Variants in CCDC88A observed in about 807,000 individuals in gnomAD.
The protein encoded by CCDC88A is coiled-coil and HOOK domain protein 88A.
In CCDC88A, 54 loss-of-function variants were observed where a neutral mutation model predicts 234.3. That is an observed-to-expected ratio of 0.23 (90% CI 0.19 to 0.29). The LOEUF (loss-of-function observed/expected upper bound fraction) is 0.29. CCDC88A is among the 10% of genes least tolerant of loss of function. The probability of loss-of-function intolerance (pLI) is 1.00; values close to 1 mark genes in which losing one functional copy is unlikely to be tolerated. For synonymous variants in CCDC88A, 753 were observed against 737.8 expected (o/e 1.02, Z -0.33); for missense variants, 1,832 against 2,123.4 (o/e 0.86, Z 2.70).
At chr2:55,303,994 GGATGTT>G (rs1681219138) in intron 25 of CCDC88A, among the ~76,000 whole-genome samples, 1 of 152,140 alleles carries the variant, frequency 6.6e-6, no homozygotes, top group Non-Finnish European at 1.5e-5. Flanking sequence ...GGTGCCCAGG[GGATGTT>G]TAAAACAGTC....
intron 7 of CCDC88A, among the ~76,000 whole-genome samples, chr2:55,360,793 A>C (rs1671191245): frequency 6.6e-6 from 1 of 152,198 alleles, no homozygotes; most frequent in Non-Finnish European, 1.5e-5. Flanking sequence ...CAGTCATACA[A>C]AACCAAAGCA....
At chr2:55,318,766 T>G (rs1683263317) in intron 19 of CCDC88A, 77 bp downstream of exon 19, 1 of 1,164,832 alleles carries the variant, frequency 8.6e-7, no homozygotes, top group Non-Finnish European at 1.2e-6. Context: ...AAACAATGTT[T>G]CCATGTTTAC....
chr2:55,361,419 T>A (rs1445946737), intron 7 of CCDC88A, among the ~76,000 whole-genome samples: 4 of 152,188 alleles, frequency 2.6e-5, no homozygotes, highest in Non-Finnish European at 5.9e-5. Context: ...TAAAAATGTT[T>A]ATTTTGTATA....
At chr2:55,341,443 C>G (rs185270575) in intron 12 of CCDC88A, among the ~76,000 whole-genome samples, 1 of 128,754 alleles carries the variant, frequency 7.8e-6, no homozygotes, top group African/African-American at 3.0e-5. Context: ...CGGCACTCCC[C>G]GCCCCCTTTT....
Position 55,335,297 on chromosome 2 carries a change from A to T in CCDC88A, c.1657-133T>A. ...ACATGTCTTACTTTTAATTCTGACA[A>T]GTATTTACTGAAGACCACTGTGTAC... On this transcript the variant is annotated intron_variant, in intron 14 of 32. Transcript: ENST00000436346. The surrounding 1 kb of genome is among the most constrained non-coding windows in gnomAD (Gnocchi z 4.5). 1 of 525,328 alleles carries T rather than the reference A, an allele frequency of 1.9e-6. No individual in the cohort carries two copies. The highest frequency in any genetic ancestry group is 3.6e-5 in the Admixed American group (1 of 27,624). The allele number at this position is 525,328 out of a possible 1,614,324, so 32.5% of individuals were successfully genotyped here. A position where few individuals can be genotyped will look rare whatever the true frequency, so the allele number is the denominator to read the frequency against.
chr2:55,392,727 T>C (rs1474559595), intron 2 of CCDC88A, among the ~76,000 whole-genome samples: 2 of 152,228 alleles, frequency 1.3e-5, no homozygotes, highest in Admixed American at 6.5e-5. Context: ...GAAGGTCCTC[T>C]TGAATTTAAT....
At chr2:55,345,009 C>A (rs1454249632) in intron 10 of CCDC88A, among the ~76,000 whole-genome samples, 4 of 152,170 alleles carry the variant, frequency 2.6e-5, no homozygotes, top group South Asian at 2.1e-4. Context: ...TATAAATACA[C>A]CTTGAGGAAA....
chr2:55,336,984 C>A, intron 13 of CCDC88A, 166 bp from the exon 14 acceptor site: 1 of 479,876 alleles, frequency 2.1e-6, no homozygotes. Context: ...ATGCTAATTT[C>A]TGTAGCTGTA....
intron 3 of CCDC88A, among the ~76,000 whole-genome samples, chr2:55,381,814 C>T (rs1002790672): frequency 5.3e-5 from 8 of 152,140 alleles, no homozygotes; most frequent in African/African-American, 1.9e-4. Context: ...TCCTGAATCA[C>T]CACACAGAGT....
intron 25 of CCDC88A, among the ~76,000 whole-genome samples, chr2:55,306,482 T>C (rs183473177): frequency 7.2e-5 from 11 of 152,282 alleles, no homozygotes; most frequent in Admixed American, 3.3e-4. Context: ...TGTACATATA[T>C]ATACCTGTGT....
Position 55,339,664 on chromosome 2 carries a change from A to T in CCDC88A, c.1334-16T>A, listed in dbSNP as rs772312337. 7.6e-6 allele frequency: 12 copies of T among 1,586,316 alleles called. No homozygotes were observed. The highest frequency in any genetic ancestry group is 1.0e-5 in the Non-Finnish European group (12 of 1,170,556). ...TTCTGGGGTGCTATAATATTGAAAA[A>T]TACACCATTGTATTTACTCTTTACT... On this transcript the variant is annotated splice_polypyrimidine_tract_variant and intron_variant, in intron 12 of 32. Transcript: ENST00000436346.
At chr2:55,378,599 ATTAAG>A (rs56676430) in intron 3 of CCDC88A, among the ~76,000 whole-genome samples, 83,953 of 151,564 alleles carry the variant, frequency 0.55, 24,578 homozygotes, top group Admixed American at 0.65. Flanking sequence ...ATTTTCAAGT[ATTAAG>A]TTATGTCTAA....
At chr2:55,373,105 C>T (rs979072141) in intron 4 of CCDC88A, among the ~76,000 whole-genome samples, 8 of 152,292 alleles carry the variant, frequency 5.3e-5, no homozygotes, top group Admixed American at 4.6e-4. Flanking sequence ...CCCTGTCCAA[C>T]AGCATTCAAC....
intron 27 of CCDC88A, 180 bp downstream of exon 27, chr2:55,301,692 G>A (rs1443133701): frequency 5.0e-6 from 3 of 605,950 alleles, no homozygotes; most frequent in Non-Finnish European, 8.6e-6. Context: ...AAAGATTTTA[G>A]TTATTTGTAT....
intron 2 of CCDC88A, among the ~76,000 whole-genome samples, chr2:55,400,503 T>C (rs6709204): frequency 0.83 from 125,716 of 152,182 alleles, 52,973 homozygotes; most frequent in Admixed American, 0.92. Flanking sequence ...TTATAAATGA[T>C]CTACTTATGA....
intron 25 of CCDC88A, among the ~76,000 whole-genome samples, chr2:55,303,484 C>T (rs1004518830): frequency 1.3e-4 from 19 of 151,096 alleles, no homozygotes; most frequent in Non-Finnish European, 2.2e-4. Context: ...CCTCCGCCTG[C>T]GATTCTCCTG....
chr2:55,354,517 A>G (rs574381593), intron 8 of CCDC88A, among the ~76,000 whole-genome samples: 5 of 152,140 alleles, frequency 3.3e-5, no homozygotes, highest in Admixed American at 1.3e-4. Flanking sequence ...ACATAAACAC[A>G]TTGTACAACT....
In CCDC88A at chr2:55,290,499, G is replaced by C. The variant is rs1679373672; in HGVS notation, c.*701C>G. 1 of 152,010 alleles carries C rather than the reference G, an allele frequency of 6.6e-6. No individual in the cohort carries two copies. Among genetic ancestry groups the C allele is most frequent in the African/African-American group, 2.4e-5 (1 of 41,442 alleles). 9.4% of individuals were successfully genotyped at this position (152,010 alleles called of 1,614,324 possible). A position where few individuals can be genotyped will look rare whatever the true frequency, so the allele number is the denominator to read the frequency against. On this transcript the variant is annotated 3_prime_UTR_variant, in exon 33 of 33. Coordinates refer to ENST00000436346, the MANE Select transcript of CCDC88A (RefSeq NM_001365480.1). ...CCATGGGTTAACTTATGAATGCTTA[G>C]TGTTGCTTAATGGGAAATATGGAAA... is the stretch of plus-strand genomic sequence containing the variant.
chr2:55,343,127 G>C (rs1480770272), intron 12 of CCDC88A, among the ~76,000 whole-genome samples: 3 of 152,066 alleles, frequency 2.0e-5, no homozygotes, highest in African/African-American at 7.2e-5. Flanking sequence ...TCTTACATTA[G>C]GTCCATAGTA....
Sources: allele counts gnomAD v4.1 joint callset (sites outside exome capture counted in the v4.1 genomes callset), GRCh38; gene constraint gnomAD v4.1.1; non-coding constraint Gnocchi (gnomAD v3.1); transcripts MANE v1.5; gene names NCBI Gene and HGNC (gene_info 2026-07-23, HGNC 2026-07-21).